LPP: variants seen among roughly 807,000 people sequenced by gnomAD.
LPP encodes LIM domain containing preferred translocation partner in lipoma.
A neutral mutation model predicts 60.4 loss-of-function variants in LPP; 38 were observed. That is an observed-to-expected ratio of 0.63 (90% CI 0.49 to 0.83). The LOEUF is 0.83. Ranked by LOEUF, LPP falls within the 40% of genes least tolerant of loss-of-function variation. The pLI, the probability that LPP is intolerant of heterozygous loss-of-function variation, is 0.00. For synonymous variants in LPP, 328 were observed against 290.8 expected (o/e 1.13, Z -1.30); for missense variants, 902 against 783.6 (o/e 1.15, Z -1.80).
intron 1 of LPP, among the ~76,000 whole-genome samples, chr3:188,158,808 C>T (rs1236875938): frequency 6.6e-6 from 1 of 152,160 alleles, no homozygotes; most frequent in Non-Finnish European, 1.5e-5. Flanking sequence ...CTTTTCTATG[C>T]CCACATGCAT....
At chr3:188,668,799 A>T (rs1357375942) in intron 7 of LPP, among the ~76,000 whole-genome samples, 1 of 152,160 alleles carries the variant, frequency 6.6e-6, no homozygotes. Context: ...GCAGTATGTG[A>T]TCTTCCTTGC....
At chr3:188,558,108 T>C (rs1178367279) in intron 6 of LPP, among the ~76,000 whole-genome samples, 1 of 152,100 alleles carries the variant, frequency 6.6e-6, no homozygotes. Context: ...TATCTGTCTC[T>C]GAGTTCTTTT....
chr3:188,734,026 AC>A (rs1182070390), intron 8 of LPP, among the ~76,000 whole-genome samples: 2 of 151,694 alleles, frequency 1.3e-5, no homozygotes, highest in African/African-American at 4.8e-5. Context: ...TTGTTTTCTA[AC>A]TCATTACTTT....
chr3:188,758,766 T>G (rs571686632), intron 8 of LPP: 30 of 152,284 alleles, frequency 2.0e-4, no homozygotes, highest in African/African-American at 7.0e-4. Context: ...GAACTGGGAA[T>G]AGGTAATATA....
intron 6 of LPP, among the ~76,000 whole-genome samples, chr3:188,535,088 A>G (rs957155120): frequency 2.0e-5 from 3 of 152,092 alleles, no homozygotes; most frequent in African/African-American, 7.3e-5. Context: ...GCCAGCAGTT[A>G]CAGTTTTCAT....
chr3:188,594,517 C>A (rs1839603357), intron 6 of LPP, among the ~76,000 whole-genome samples: 3 of 152,138 alleles, frequency 2.0e-5, no homozygotes, highest in Admixed American at 2.0e-4. Context: ...TACTTGAATT[C>A]ACTGAGGCCA....
chr3:188,575,877 A>G (rs929647093), intron 6 of LPP, among the ~76,000 whole-genome samples: 1 of 152,138 alleles, frequency 6.6e-6, no homozygotes, highest in African/African-American at 2.4e-5. Flanking sequence ...CCAAACAAGA[A>G]AATGCCTCTA....
intron 6 of LPP, among the ~76,000 whole-genome samples, chr3:188,602,177 T>TATATATATATAAA (rs1841472555): frequency 8.7e-6 from 1 of 115,282 alleles, no homozygotes; most frequent in Non-Finnish European, 1.9e-5. Flanking sequence ...ATATATATAT[T>TATATATATATAAA]ATATATATAT....
rs534393899 is a variant in LPP, at chr3:188,240,376, T to TGTGTGA, written c.-67+14850_-67+14851insTGTGAG. 4.1e-3 allele frequency among the ~76,000 whole-genome samples: 585 copies of TGTGTGA among 143,314 alleles called. 4 individuals carry two copies. Among genetic ancestry groups the TGTGTGA allele is most frequent in the African/African-American group, 0.011 (405 of 36,926 alleles). 94.0% of individuals were successfully genotyped at this position (143,314 alleles called of 152,430 possible). A position where few individuals can be genotyped will look rare whatever the true frequency, so the allele number is the denominator to read the frequency against. On this transcript the variant is annotated intron_variant, in intron 2 of 11. Transcript: ENST00000617246. ...GTGTGTGTGTGTGTGTGTGTGTGTG[T>TGTGTGA]GAGAGAGAGACAGAGAGAGAAAGAG...
At chr3:188,422,943 G>T (rs917641408) in intron 4 of LPP, among the ~76,000 whole-genome samples, 7 of 151,450 alleles carry the variant, frequency 4.6e-5, no homozygotes, top group Non-Finnish European at 1.5e-5. Flanking sequence ...GTGTGTGTGT[G>T]TGTGTGTGTG....
chr3:188,704,009 T>G (rs572337126), intron 7 of LPP, among the ~76,000 whole-genome samples: 3 of 152,166 alleles, frequency 2.0e-5, no homozygotes, highest in Non-Finnish European at 4.4e-5. Flanking sequence ...AATTATCAAG[T>G]TTTCTCTAAC....
At chr3:188,313,442 C>A (rs1754090306) in intron 2 of LPP, among the ~76,000 whole-genome samples, 1 of 152,056 alleles carries the variant, frequency 6.6e-6, no homozygotes, top group Non-Finnish European at 1.5e-5. Context: ...AAGTTCAAGA[C>A]CAGCCTGGCC....
chr3:188,821,491 A>G (rs935145873), intron 9 of LPP, among the ~76,000 whole-genome samples: 11 of 151,828 alleles, frequency 7.2e-5, no homozygotes, highest in African/African-American at 2.7e-4. Flanking sequence ...TTTCAAAATC[A>G]CCTGTAAACC....
At chr3:188,739,185 T>C (rs553619163) in intron 8 of LPP, among the ~76,000 whole-genome samples, 3 of 152,162 alleles carry the variant, frequency 2.0e-5, no homozygotes, top group Admixed American at 6.5e-5. Context: ...AGAAAGGCTT[T>C]ATAAACAACC....
intron 5 of LPP, among the ~76,000 whole-genome samples, chr3:188,520,283 C>T (rs958837850): frequency 6.6e-6 from 1 of 152,212 alleles, no homozygotes; most frequent in African/African-American, 2.4e-5. Context: ...TGCCCCACCT[C>T]GCATCTTCCC....
At chr3:188,252,662 A>G (rs10804914) in intron 2 of LPP, among the ~76,000 whole-genome samples, 132,452 of 152,172 alleles carry the variant, frequency 0.87, 58,189 homozygotes, top group East Asian at 1. Flanking sequence ...TGATTTGCAC[A>G]TGTCCTATTA....
At chr3:188,471,390 T>C (rs1801802675) in intron 4 of LPP, among the ~76,000 whole-genome samples, 1 of 152,196 alleles carries the variant, frequency 6.6e-6, no homozygotes, top group Non-Finnish European at 1.5e-5. Flanking sequence ...GGGCTATTTG[T>C]TTAGTCTAGA....
intron 6 of LPP, among the ~76,000 whole-genome samples, chr3:188,532,371 G>A (rs1054121745): frequency 4.6e-5 from 7 of 152,314 alleles, no homozygotes; most frequent in Non-Finnish European, 8.8e-5. Context: ...GTTGCAGTGA[G>A]CCGAGATTGT....
intron 2 of LPP, among the ~76,000 whole-genome samples, chr3:188,262,912 T>C (rs1734178946): frequency 6.6e-6 from 1 of 151,884 alleles, no homozygotes; most frequent in African/African-American, 2.4e-5. Flanking sequence ...TCTACAGTGA[T>C]GCCTCCTTAC....
Sources: allele counts gnomAD v4.1 joint callset (sites outside exome capture counted in the v4.1 genomes callset), GRCh38; gene constraint gnomAD v4.1.1; transcripts MANE v1.5; gene names NCBI Gene and HGNC (gene_info 2026-07-23, HGNC 2026-07-21).